LHPP: variants seen among roughly 807,000 people sequenced by gnomAD.
LHPP encodes hLHPP.
Under a neutral mutation model 30.3 loss-of-function variants are expected in LHPP, and 24 were observed. That is an observed-to-expected ratio of 0.79 (90% CI 0.57 to 1.11). LHPP has a LOEUF of 1.11. LHPP is among the 50% of genes most tolerant of loss of function. The pLI, the probability that LHPP is intolerant of heterozygous loss-of-function variation, is 0.00. For missense variants in LHPP, 356 were observed against 367.2 expected, an observed-to-expected ratio of 0.97 and a Z score of 0.25; for synonymous variants, 150 against 157.1, an observed-to-expected ratio of 0.95 and a Z score of 0.34.
intron 1 of LHPP, among the ~76,000 whole-genome samples, chr10:124,468,888 C>A (rs975793313): frequency 2.0e-4 from 31 of 151,486 alleles, no homozygotes; most frequent in African/African-American, 7.5e-4. Context: ...AGAGTGGCTG[C>A]GAAGGTGGTG....
chr10:124,475,095 G>A (rs1038384120), intron 1 of LHPP, among the ~76,000 whole-genome samples: 5 of 139,006 alleles, frequency 3.6e-5, no homozygotes, highest in African/African-American at 1.1e-4. Context: ...CCATCTCAGC[G>A]CACTGCAACC....
chr10:124,558,843 T>C (rs11245288), intron 6 of LHPP, among the ~76,000 whole-genome samples: 62,335 of 152,256 alleles, frequency 0.41, 13,005 homozygotes, highest in East Asian at 0.49. Context: ...TGCATTCCCA[T>C]GCGTAGCGAA....
intron 1 of LHPP, among the ~76,000 whole-genome samples, chr10:124,479,340 C>T (rs944241142): frequency 2.0e-5 from 3 of 152,212 alleles, no homozygotes; most frequent in Non-Finnish European, 4.4e-5. Flanking sequence ...GGAGCCGCAC[C>T]TGACTAGGGC....
chr10:124,505,925 C>T (rs1407216757), intron 5 of LHPP, among the ~76,000 whole-genome samples: 1 of 152,122 alleles, frequency 6.6e-6, no homozygotes, highest in Non-Finnish European at 1.5e-5. Flanking sequence ...GTCATAGGCG[C>T]TTTGCATTCC....
In LHPP at chr10:124,496,494, G is replaced by A. The variant is rs1015647415; in HGVS notation, c.468-467G>A. On this transcript the variant is annotated intron_variant, in intron 3 of 6. Coordinates refer to ENST00000368842, the MANE Select transcript of LHPP (RefSeq NM_022126.4). The surrounding 1 kb of genome is among the most constrained non-coding windows in gnomAD (Gnocchi z 4.3). ...ACCTCCGGCTAACGGGATGCGGCAG[G>A]GTGCTGTGGAACTAATGGAGTTCTC... Among the ~76,000 whole-genome samples the A allele has an allele frequency of 6.6e-6, 1 of 152,208 alleles. No individual in the cohort carries two copies. Among genetic ancestry groups the A allele is most frequent in the Non-Finnish European group, 1.5e-5 (1 of 68,040 alleles).
At chr10:124,545,094 C>T (rs1430038374) in intron 6 of LHPP, among the ~76,000 whole-genome samples, 1 of 152,148 alleles carries the variant, frequency 6.6e-6, no homozygotes, top group African/African-American at 2.4e-5. Context: ...GGTGCCCCCG[C>T]CCCCAGAGCA....
Position 124,592,341 on chromosome 10 carries a change from G to A in LHPP, c.717-20923G>A, listed in dbSNP as rs1381519547. Among the ~76,000 whole-genome samples, 4 of 152,092 alleles carry A rather than the reference G, an allele frequency of 2.6e-5. No individual in the cohort carries two copies. The highest frequency in any genetic ancestry group is 2.0e-4 in the Admixed American group (3 of 15,254). On this transcript the variant is annotated intron_variant, in intron 6 of 6. Coordinates refer to ENST00000368842, the MANE Select transcript of LHPP (RefSeq NM_022126.4). The surrounding 1 kb of genome is among the most constrained non-coding windows in gnomAD (Gnocchi z 6.2). Reference sequence around the variant, plus strand: ...CCATCACCCTCACTCACCCAGCCCCGGGCTGGCCCTGTCAGCTCTCGAACT... The same window carrying A: ...CCATCACCCTCACTCACCCAGCCCCAGGCTGGCCCTGTCAGCTCTCGAACT...
At chr10:124,534,747 C>T (rs1172163207) in intron 6 of LHPP, among the ~76,000 whole-genome samples, 5 of 152,094 alleles carry the variant, frequency 3.3e-5, no homozygotes, top group South Asian at 2.1e-4. Flanking sequence ...GGCCCTGCTG[C>T]GGCGAGGGGG....
intron 6 of LHPP, among the ~76,000 whole-genome samples, chr10:124,612,342 T>C (rs1314443370): frequency 6.6e-6 from 1 of 151,832 alleles, no homozygotes; most frequent in Non-Finnish European, 1.5e-5. Context: ...GAGGCAGAGG[T>C]TGCAGTGAGC....
intron 6 of LHPP, among the ~76,000 whole-genome samples, chr10:124,564,966 C>T (rs564798164): frequency 2.0e-5 from 3 of 152,264 alleles, no homozygotes; most frequent in African/African-American, 2.4e-5. Flanking sequence ...GCTATGAAGA[C>T]GCAAAGGCAT....
chr10:124,530,971 G>A (rs1465432041), intron 6 of LHPP, among the ~76,000 whole-genome samples: 1 of 152,174 alleles, frequency 6.6e-6, no homozygotes, highest in Non-Finnish European at 1.5e-5. Flanking sequence ...CACGCTCTGG[G>A]CATTGGGGGC....
chr10:124,594,921 G>A (rs1011265163), intron 6 of LHPP, among the ~76,000 whole-genome samples: 1 of 152,084 alleles, frequency 6.6e-6, no homozygotes, highest in Non-Finnish European at 1.5e-5. Context: ...ATGAGCCACC[G>A]CACCCAGCCC....
chr10:124,600,893 G>A (rs1164992234), intron 6 of LHPP, among the ~76,000 whole-genome samples: 1 of 152,246 alleles, frequency 6.6e-6, no homozygotes, highest in East Asian at 1.9e-4. Context: ...CTAACGGAAT[G>A]TCCCTGATCT....
At chr10:124,586,257 T>C (rs1948802730) in intron 6 of LHPP, among the ~76,000 whole-genome samples, 1 of 152,114 alleles carries the variant, frequency 6.6e-6, no homozygotes, top group Non-Finnish European at 1.5e-5. Flanking sequence ...GTCCCTACAT[T>C]GTCACCTTTC....
In LHPP at chr10:124,596,717, C is replaced by T. The variant is rs1047837071; in HGVS notation, c.717-16547C>T. 5.9e-5 allele frequency among the ~76,000 whole-genome samples: 9 copies of T among 152,150 alleles called. No homozygotes were observed. The highest frequency in any genetic ancestry group is 8.8e-5 in the Non-Finnish European group (6 of 68,032). The stretch of plus-strand genomic sequence containing the variant: ...AGCTGGGTGGACGGGTGGGGAGGCC[C>T]GACTTTAAGGGACCTGCTTCCTAAG... On this transcript the variant is annotated intron_variant, in intron 6 of 6. Coordinates refer to ENST00000368842, the MANE Select transcript of LHPP (RefSeq NM_022126.4). This position sits in a 1 kb window ranked among gnomAD's most constrained non-coding sequence, Gnocchi z 4.6.
intron 6 of LHPP, among the ~76,000 whole-genome samples, chr10:124,581,353 C>T (rs1001503014): frequency 1.3e-5 from 2 of 152,148 alleles, no homozygotes; most frequent in Non-Finnish European, 2.9e-5. Flanking sequence ...AGTAATGCTG[C>T]TATAAGGATT....
intron 6 of LHPP, among the ~76,000 whole-genome samples, chr10:124,573,059 A>G (rs555434601): frequency 6.6e-6 from 1 of 152,352 alleles, no homozygotes; most frequent in African/African-American, 2.4e-5. Context: ...CAATTCCCAG[A>G]CTGGTAAATA....
intron 6 of LHPP, chr10:124,613,032 A>G (rs1949221902): frequency 3.5e-6 from 2 of 569,774 alleles, no homozygotes; most frequent in Non-Finnish European, 6.3e-6. Context: ...CCCCAGTGGG[A>G]GACAGGTTTG....
chr10:124,464,191 G>A (rs1447134956), intron 1 of LHPP, among the ~76,000 whole-genome samples: 1 of 152,168 alleles, frequency 6.6e-6, no homozygotes, highest in African/African-American at 2.4e-5. Context: ...GGCATCCCAG[G>A]TCAGCACTGC....
Sources: allele counts gnomAD v4.1 joint callset (sites outside exome capture counted in the v4.1 genomes callset), GRCh38; gene constraint gnomAD v4.1.1; non-coding constraint Gnocchi (gnomAD v3.1); transcripts MANE v1.5; gene names NCBI Gene and HGNC (gene_info 2026-07-23, HGNC 2026-07-21).